SELP: variants seen among roughly 807,000 people sequenced by gnomAD.
SELP encodes selectin P.
In SELP, 92 loss-of-function variants were observed where a neutral mutation model predicts 104.1. That is an observed-to-expected ratio of 0.88 (90% CI 0.75 to 1.05). The LOEUF (loss-of-function observed/expected upper bound fraction) is 1.05, where lower values mean the gene tolerates loss of function less well. Among genes scored for constraint, SELP ranks in the 50% least tolerant of loss-of-function variants. SELP has a pLI of 0.00. For synonymous variants in SELP, 397 were observed against 364.5 expected, an observed-to-expected ratio of 1.09 and a Z score of -1.01; for missense variants, 1,022 against 1,017.3, an observed-to-expected ratio of 1.00 and a Z score of -0.06.
chr1:169,596,236 C>G, intron 11 of SELP, 102 bp from the exon 12 acceptor site: 7 of 1,005,240 alleles, frequency 7.0e-6, no homozygotes, highest in Non-Finnish European at 1.1e-5. Flanking sequence ...CCCTTCATAA[C>G]AAGGGAGGCT....
chr1:169,609,988 G>A (rs960147519), intron 7 of SELP, among the ~76,000 whole-genome samples: 1 of 152,044 alleles, frequency 6.6e-6, no homozygotes, highest in Non-Finnish European at 1.5e-5. Flanking sequence ...CTCTGTTCTT[G>A]CGCTGTTCAT....
chr1:169,612,105 T>A (rs1339718018), intron 6 of SELP, 112 bp downstream of exon 6: 3 of 1,063,448 alleles, frequency 2.8e-6, no homozygotes. Flanking sequence ...AGGAAGAGAA[T>A]TAAATTTTGG....
In SELP at chr1:169,617,341, G is replaced by A. The variant is rs201355954; in HGVS notation, c.168C>T (p.Ser56=). The A allele has an allele frequency of 6.2e-7, 1 of 1,614,020 alleles. No individual in the cohort carries two copies. The highest frequency in any genetic ancestry group is 1.3e-5 in the African/African-American group (1 of 74,988). The change falls in exon 3 of 17, where the codon TCC becomes TCT. Residue 56 remains serine, a synonymous_variant. Coordinates refer to ENST00000263686, the MANE Select transcript of SELP (RefSeq NM_003005.4). The part of the protein sequence containing the change: ...YSTKAYSWNI[S]RKYCQNRYTD... Reference sequence around the variant, plus strand: ...TGTAGCGATTCTGGCAGTATTTACGGGAAATATTCCATGAGTATGCTTTTG... The same window carrying A: ...TGTAGCGATTCTGGCAGTATTTACGAGAAATATTCCATGAGTATGCTTTTG...
In SELP at chr1:169,603,186, G is replaced by T. The variant is rs145585796; in HGVS notation, c.1545C>A (p.Ser515Arg). 3.7e-6 allele frequency: 6 copies of T among 1,613,454 alleles called. No homozygotes were observed. Among genetic ancestry groups the T allele is most frequent in the Non-Finnish European group, 4.2e-6 (5 of 1,179,632 alleles). The change falls in exon 10 of 17, where the codon AGC becomes AGA. Residue 515 changes from serine to arginine, a missense_variant. By Grantham distance (110) the Ser-to-Arg change is moderately radical. Coordinates refer to ENST00000263686, the MANE Select transcript of SELP (RefSeq NM_003005.4). ...CACAGGTCATTGTTCCATTCTGAGG[G>T]CTTAGCAAAGGTGTGCAGGGAATGG... ...CQAIPCTPLLSPQNGTMTCVQ... is the reference protein window; with the variant it reads ...CQAIPCTPLLRPQNGTMTCVQ...
In SELP at chr1:169,613,203, C is replaced by A. The variant is rs530002729; in HGVS notation, c.590-89G>T. On this transcript the variant is annotated intron_variant, in intron 4 of 16. Transcript: ENST00000263686. ...TGAAAGCTGTAACTATTTGTGTAAC[C>A]CTCTTAACTCTAATTTTCTAAACTT... 169 of 1,219,504 alleles carry A rather than the reference C, an allele frequency of 1.4e-4. No homozygotes were observed. The African/African-American group carries it at 2.2e-3, about 16-fold the overall frequency. The allele number at this position is 1,219,504 out of a possible 1,614,324, so 75.5% of individuals were successfully genotyped here.
intron 10 of SELP, 77 bp from the exon 11 acceptor site, chr1:169,597,253 A>T (rs567293086): frequency 5.4e-6 from 7 of 1,287,186 alleles, no homozygotes; most frequent in Middle Eastern, 2.8e-4. Flanking sequence ...TCATTCACTT[A>T]TATATTCAAA....
intron 1 of SELP, among the ~76,000 whole-genome samples, chr1:169,619,885 T>G (rs1393927281): frequency 1.3e-5 from 2 of 152,174 alleles, no homozygotes; most frequent in Non-Finnish European, 2.9e-5. Flanking sequence ...TGTTGGGATT[T>G]CATCAAATCT....
intron 9 of SELP, among the ~76,000 whole-genome samples, chr1:169,606,172 C>T (rs1662183369): frequency 6.6e-6 from 1 of 152,136 alleles, no homozygotes; most frequent in Non-Finnish European, 1.5e-5. Context: ...CAAAAATTAG[C>T]TGGGTGCAGT....
intron 1 of SELP, among the ~76,000 whole-genome samples, chr1:169,622,781 A>C (rs1182947001): frequency 6.6e-6 from 1 of 152,224 alleles, no homozygotes. Flanking sequence ...TTAAGCTTAA[A>C]ATGTGTAATC....
chr1:169,593,820 G>T, intron 13 of SELP, 96 bp from the exon 14 acceptor site: 1 of 1,285,470 alleles, frequency 7.8e-7, no homozygotes, highest in Non-Finnish European at 1.1e-6. Flanking sequence ...ACTCTAAGAT[G>T]TGCGATCAAG....
rs1662858580 is a variant in SELP, at chr1:169,617,146, T to C, written c.363A>G (p.Glu121=). The C allele has an allele frequency of 1.2e-6, 2 of 1,614,204 alleles. No homozygotes were observed. Among genetic ancestry groups the C allele is most frequent in the Non-Finnish European group, 1.7e-6 (2 of 1,180,038 alleles). ...CCTCGTTGTTCCTTTTGTTGTTAGG[T>C]TCATTATCAGCCCAGTTCTCAGCCT... ...TNEAENWADN[E]PNNKRNNEDC... The change falls in exon 3 of 17, where the codon GAA becomes GAG. Residue 121 remains glutamate (E), a synonymous_variant. Coordinates refer to ENST00000263686, the MANE Select transcript of SELP (RefSeq NM_003005.4).
intron 3 of SELP, among the ~76,000 whole-genome samples, chr1:169,614,041 T>G (rs1662688806): frequency 6.6e-6 from 1 of 152,206 alleles, no homozygotes; most frequent in Non-Finnish European, 1.5e-5. Flanking sequence ...CATTGTTTTA[T>G]TATGGAAGCC....
In SELP at chr1:169,619,203, G is replaced by A; in HGVS notation, c.20C>T (p.Ala7Val). ...TCTCTGGAATCTCTGGTACAAGATG[G>A]CTATTTGGCAGTTGGCCTGAAACAA... MANCQI[A>V]ILYQRFQRVV... Residue 7 changes from alanine (A) to valine (V), a missense_variant, in exon 2 of 17, where the codon GCC becomes GTC. Transcript: ENST00000263686. The A allele has an allele frequency of 1.2e-6, 2 of 1,613,900 alleles. No individual in the cohort carries two copies. Among genetic ancestry groups the A allele is most frequent in the Non-Finnish European group, 1.7e-6 (2 of 1,179,810 alleles).
chr1:169,616,990 T>G, intron 3 of SELP, 38 bp downstream of exon 3: 1 of 1,523,416 alleles, frequency 6.6e-7, no homozygotes, highest in Non-Finnish European at 8.8e-7. Context: ...GGGTTTTTTT[T>G]TTTTAACAGG....
intron 4 of SELP, 53 bp from the exon 5 acceptor site, chr1:169,613,167 G>A: frequency 2.0e-6 from 3 of 1,464,462 alleles, no homozygotes; most frequent in Non-Finnish European, 2.8e-6. Flanking sequence ...TAACAGCAAT[G>A]TCATGTTTGC....
intron 4 of SELP, 49 bp from the exon 5 acceptor site, chr1:169,613,163 C>G (rs3917721): frequency 0.054 from 80,396 of 1,491,182 alleles, 2,577 homozygotes; most frequent in South Asian, 0.11. Flanking sequence ...GAATTAACAG[C>G]AATGTCATGT....
intron 8 of SELP, among the ~76,000 whole-genome samples, chr1:169,608,442 A>G (rs902624371): frequency 7.2e-5 from 11 of 152,130 alleles, no homozygotes; most frequent in African/African-American, 2.2e-4. Flanking sequence ...AGTTCCTCAT[A>G]TGAGTGGAAT....
intron 10 of SELP, among the ~76,000 whole-genome samples, chr1:169,600,233 A>AT (rs1557950796): frequency 6.6e-6 from 1 of 151,806 alleles, no homozygotes; most frequent in Non-Finnish European, 1.5e-5. Flanking sequence ...ATTCAGAAAA[A>AT]AAATAAATTA....
chr1:169,607,161 AG>A (rs1237953672), intron 8 of SELP, 27 bp from the exon 9 acceptor site: 29 of 1,570,902 alleles, frequency 1.8e-5, no homozygotes, highest in Non-Finnish European at 2.5e-5. Flanking sequence ...TAAGGAATAA[AG>A]AAACAGTAAT....
Sources: gnomAD v4.1 joint callset for allele counts (sites outside exome capture counted in the v4.1 genomes callset) on GRCh38, gnomAD v4.1.1 for gene constraint, MANE v1.5 for transcripts, NCBI Gene and HGNC (gene_info 2026-07-23, HGNC 2026-07-21) for gene names.